The following BMP6 variants were observed in gnomAD, a reference collection of about 807,000 sequenced individuals.
BMP6 encodes the protein bone morphogenetic protein 6.
A neutral mutation model predicts 54.1 loss-of-function variants in BMP6; 17 were observed. The ratio of observed to expected loss-of-function variants is 0.31; its 90% CI spans 0.22 to 0.47. BMP6 has a LOEUF of 0.47. BMP6 is among the 20% of genes least tolerant of loss of function. The pLI, the probability that BMP6 is intolerant of heterozygous loss-of-function variation, is 1.00. For missense variants in BMP6, 720 were observed against 690.4 expected, an observed-to-expected ratio of 1.04 and a Z score of -0.48; for synonymous variants, 328 against 291.2, an observed-to-expected ratio of 1.13 and a Z score of -1.28.
chr6:7,845,861 T>G (rs1426915464), intron 2 of BMP6, among the ~76,000 whole-genome samples: 1 of 152,198 alleles, frequency 6.6e-6, no homozygotes, highest in African/African-American at 2.4e-5. Context: ...TACTCTCGTT[T>G]CCTAAAACAA....
chr6:7,739,021 C>T lies in BMP6; in HGVS notation c.664+11402C>T, dbSNP rs115767595. ...TTCTTGGATCAGAGAACCATGGGGT[C>T]AAATCTTCATAGGGTCAAGCCTGCT... On this transcript the variant is annotated intron_variant, in intron 1 of 6. Coordinates refer to ENST00000283147, the MANE Select transcript of BMP6 (RefSeq NM_001718.6). Among the ~76,000 whole-genome samples, 477 of 152,276 alleles carry T rather than the reference C, an allele frequency of 3.1e-3. 1 individual carries two copies. Among genetic ancestry groups the T allele is most frequent in the African/African-American group, 0.011 (451 of 41,544 alleles).
chr6:7,737,068 C>A (rs1476562089), intron 1 of BMP6, among the ~76,000 whole-genome samples: 1 of 152,070 alleles, frequency 6.6e-6, no homozygotes, highest in African/African-American at 2.4e-5. Context: ...CACCTGTAAT[C>A]CCAGCTACTT....
At chr6:7,851,479 T>C (rs779473434) in intron 2 of BMP6, among the ~76,000 whole-genome samples, 1 of 152,210 alleles carries the variant, frequency 6.6e-6, no homozygotes, top group African/African-American at 2.4e-5. Flanking sequence ...TTAATTCGAA[T>C]AGTTTTTCTG....
intron 1 of BMP6, among the ~76,000 whole-genome samples, chr6:7,825,319 A>G (rs1241623550): frequency 6.6e-6 from 1 of 152,224 alleles, no homozygotes; most frequent in Admixed American, 6.5e-5. Flanking sequence ...ACAATGAATG[A>G]AAATGTGTAG....
intron 4 of BMP6, among the ~76,000 whole-genome samples, chr6:7,872,000 C>T (rs557628010): frequency 8.1e-5 from 9 of 111,020 alleles, no homozygotes; most frequent in South Asian, 3.4e-4. Context: ...TCTGTCCTGG[C>T]GGCGGGGGTG....
intron 1 of BMP6, among the ~76,000 whole-genome samples, chr6:7,737,197 A>G (rs1014228926): frequency 6.6e-6 from 1 of 151,854 alleles, no homozygotes; most frequent in Admixed American, 6.6e-5. Flanking sequence ...AAAAAAAAAA[A>G]GAGCTTGGGG....
chr6:7,812,594 TATAC>T (rs973840730), intron 1 of BMP6, among the ~76,000 whole-genome samples: 2 of 152,140 alleles, frequency 1.3e-5, no homozygotes, highest in African/African-American at 4.8e-5. Flanking sequence ...AAATTAAACA[TATAC>T]ACATTAACCC....
rs1056666437 is a variant in BMP6, at chr6:7,772,224, G to A, written c.664+44605G>A. On this transcript the variant is annotated intron_variant, in intron 1 of 6. Coordinates refer to ENST00000283147, the MANE Select transcript of BMP6 (RefSeq NM_001718.6). The stretch of plus-strand genomic sequence containing the variant: ...AACTCATTCAGGTCCTAAGCCAACA[G>A]AGTGGCCTCCAGTTAACGAGACACC... Among the ~76,000 whole-genome samples the A allele has an allele frequency of 4.1e-4, 62 of 152,260 alleles. No individual in the cohort carries two copies. In the Middle Eastern group the frequency reaches 0.01, roughly 25 times the overall value.
At chr6:7,777,941 A>G (rs1210712179) in intron 1 of BMP6, among the ~76,000 whole-genome samples, 1 of 152,124 alleles carries the variant, frequency 6.6e-6, no homozygotes, top group Non-Finnish European at 1.5e-5. Context: ...TAGTGATGGC[A>G]TTGCCCTTCT....
intron 1 of BMP6, among the ~76,000 whole-genome samples, chr6:7,728,543 A>G (rs1344159798): frequency 6.6e-6 from 1 of 152,190 alleles, no homozygotes; most frequent in Non-Finnish European, 1.5e-5. Context: ...TCTCATCTGT[A>G]AATGAGAAGG....
At chr6:7,788,653 C>T (rs1444570187) in intron 1 of BMP6, among the ~76,000 whole-genome samples, 2 of 152,154 alleles carry the variant, frequency 1.3e-5, no homozygotes, top group Non-Finnish European at 2.9e-5. Flanking sequence ...AAATGTTCAT[C>T]ATTGTAAAAC....
At chr6:7,861,391 A>G in intron 2 of BMP6, 60 bp from the exon 3 acceptor site, 3 of 1,587,064 alleles carry the variant, frequency 1.9e-6, no homozygotes, top group South Asian at 2.3e-5. Context: ...GAGACAGGAA[A>G]GAGTGGGAAG....
intron 1 of BMP6, among the ~76,000 whole-genome samples, chr6:7,809,724 G>A (rs1384722772): frequency 6.6e-6 from 1 of 152,172 alleles, no homozygotes; most frequent in African/African-American, 2.4e-5. Context: ...TGATTTTTTA[G>A]GGTCGACAGC....
chr6:7,827,584 G>T (rs1465447488), intron 1 of BMP6, among the ~76,000 whole-genome samples: 3 of 152,118 alleles, frequency 2.0e-5, no homozygotes, highest in Non-Finnish European at 4.4e-5. Context: ...AAAATGACAA[G>T]GCCGTGTTAG....
At chr6:7,837,122 G>C (rs537967856) in intron 1 of BMP6, among the ~76,000 whole-genome samples, 121 of 152,338 alleles carry the variant, frequency 7.9e-4, no homozygotes, top group Non-Finnish European at 1.3e-3. Context: ...CAGTTAGTGA[G>C]AGAATAATGA....
chr6:7,730,496 A>G (rs1561752410), intron 1 of BMP6, among the ~76,000 whole-genome samples: 1 of 152,218 alleles, frequency 6.6e-6, no homozygotes, highest in Admixed American at 6.5e-5. Context: ...TCTGGACTCT[A>G]TACTGATAGT....
chr6:7,742,890 G>A (rs778125105), intron 1 of BMP6, among the ~76,000 whole-genome samples: 1 of 152,118 alleles, frequency 6.6e-6, no homozygotes, highest in Admixed American at 6.5e-5. Flanking sequence ...AGACAGGTAG[G>A]TCCTGGAACA....
chr6:7,808,822 A>G (rs1255960948), intron 1 of BMP6, among the ~76,000 whole-genome samples: 1 of 151,060 alleles, frequency 6.6e-6, no homozygotes, highest in Non-Finnish European at 1.5e-5. Flanking sequence ...GCTAAAGCAG[A>G]AGGATTGCTT....
chr6:7,737,547 T>C (rs1396038550), intron 1 of BMP6, among the ~76,000 whole-genome samples: 1 of 152,178 alleles, frequency 6.6e-6, no homozygotes, highest in Non-Finnish European at 1.5e-5. Context: ...TGCATGCACA[T>C]ACCTGTCATC....
Sources: allele counts gnomAD v4.1 joint callset (sites outside exome capture counted in the v4.1 genomes callset), GRCh38; gene constraint gnomAD v4.1.1; transcripts MANE v1.5; gene names NCBI Gene and HGNC (gene_info 2026-07-23, HGNC 2026-07-21).